Variants in WDR64 observed in about 807,000 individuals in gnomAD.
WDR64 encodes the protein WD repeat-containing protein 64.
Under a neutral mutation model 139.3 loss-of-function variants are expected in WDR64, and 112 were observed. The observed-to-expected ratio is 0.80, with a 90% CI of 0.69 to 0.94. The LOEUF (loss-of-function observed/expected upper bound fraction) is 0.94, where lower values mean the gene tolerates loss of function less well. Among genes scored for constraint, WDR64 ranks in the 40% least tolerant of loss-of-function variants. The pLI is 0.00. For synonymous variants in WDR64, 444 were observed against 437.7 expected, an observed-to-expected ratio of 1.01 and a Z score of -0.18; for missense variants, 1,206 against 1,293.1, an observed-to-expected ratio of 0.93 and a Z score of 1.03.
intron 21 of WDR64, among the ~76,000 whole-genome samples, chr1:241,779,260 T>C (rs760115110): frequency 7.2e-5 from 11 of 152,186 alleles, no homozygotes; most frequent in Admixed American, 3.3e-4. Flanking sequence ...CATTTTTTTT[T>C]CCTCCATCTG....
At chr1:241,668,832 G>A (rs918361403) in intron 2 of WDR64, among the ~76,000 whole-genome samples, 19 of 151,806 alleles carry the variant, frequency 1.3e-4, no homozygotes, top group Admixed American at 1.3e-4. Context: ...CACAGGAGGC[G>A]GAGGTTGCAG....
At chr1:241,698,932 C>T (rs1007484461) in intron 8 of WDR64, among the ~76,000 whole-genome samples, 3 of 152,278 alleles carry the variant, frequency 2.0e-5, no homozygotes, top group Admixed American at 6.5e-5. Context: ...AACATACCAT[C>T]GTGGTGGAAG....
chr1:241,727,560 A>G (rs1041798092), intron 10 of WDR64, among the ~76,000 whole-genome samples: 10 of 152,222 alleles, frequency 6.6e-5, no homozygotes, highest in African/African-American at 2.4e-4. Context: ...TTTAACAAAT[A>G]CTTATTTATT....
intron 2 of WDR64, among the ~76,000 whole-genome samples, chr1:241,670,390 T>C (rs1252169548): frequency 1.3e-5 from 2 of 152,010 alleles, no homozygotes; most frequent in Admixed American, 6.6e-5. Context: ...GGAAAATGGG[T>C]AAGACAGTCA....
chr1:241,790,123 G>A (rs1172193709), intron 24 of WDR64, among the ~76,000 whole-genome samples: 1 of 152,124 alleles, frequency 6.6e-6, no homozygotes, highest in Non-Finnish European at 1.5e-5. Flanking sequence ...GGCTGAGGCA[G>A]GCAGATCACT....
intron 8 of WDR64, among the ~76,000 whole-genome samples, chr1:241,706,247 G>A (rs1275263505): frequency 1.3e-5 from 2 of 152,242 alleles, no homozygotes; most frequent in Non-Finnish European, 2.9e-5. Context: ...GAGTGGCAAG[G>A]CTGCATTCAC....
At chr1:241,705,939 G>A (rs748075793) in intron 8 of WDR64, among the ~76,000 whole-genome samples, 3 of 152,098 alleles carry the variant, frequency 2.0e-5, no homozygotes, top group East Asian at 1.9e-4. Flanking sequence ...TGACTTTCCC[G>A]GCCCTGGGCA....
At chr1:241,736,290 T>C (rs986198987) in intron 10 of WDR64, among the ~76,000 whole-genome samples, 1 of 152,168 alleles carries the variant, frequency 6.6e-6, no homozygotes, top group Non-Finnish European at 1.5e-5. Context: ...TTTGGAGCCC[T>C]GCTGTTTCTT....
intron 8 of WDR64, among the ~76,000 whole-genome samples, chr1:241,701,296 T>A (rs879486725): frequency 1.7e-4 from 24 of 141,734 alleles, no homozygotes; most frequent in Non-Finnish European, 3.1e-4. Context: ...ACACACACAC[T>A]CACACACACA....
chr1:241,763,246 A>G (rs1658003474), intron 15 of WDR64, among the ~76,000 whole-genome samples: 1 of 152,218 alleles, frequency 6.6e-6, no homozygotes, highest in African/African-American at 2.4e-5. Flanking sequence ...AAAAAAAAAG[A>G]AAAACTATGG....
intron 10 of WDR64, among the ~76,000 whole-genome samples, chr1:241,727,322 A>C (rs1375027958): frequency 6.6e-6 from 1 of 152,226 alleles, no homozygotes; most frequent in Non-Finnish European, 1.5e-5. Flanking sequence ...TCTTTCTAGC[A>C]AAAGTTGAGA....
chr1:241,686,823 A>G (rs1007651901), intron 7 of WDR64, among the ~76,000 whole-genome samples: 3 of 152,238 alleles, frequency 2.0e-5, no homozygotes, highest in Non-Finnish European at 4.4e-5. Context: ...CAAATAAGAT[A>G]TAAAAGAATA....
intron 11 of WDR64, among the ~76,000 whole-genome samples, chr1:241,740,208 C>T (rs1474315324): frequency 6.6e-6 from 1 of 152,188 alleles, no homozygotes; most frequent in African/African-American, 2.4e-5. Flanking sequence ...AGCACTGCAT[C>T]ATTTCTATAG....
intron 4 of WDR64, 139 bp from the exon 5 acceptor site, chr1:241,678,048 G>C: frequency 2.5e-6 from 1 of 396,014 alleles, no homozygotes; most frequent in Non-Finnish European, 4.5e-6. Flanking sequence ...TTCAGAAGGA[G>C]AAACAGGGAG....
chr1:241,727,555 C>T (rs1558493700), intron 10 of WDR64, among the ~76,000 whole-genome samples: 1 of 152,134 alleles, frequency 6.6e-6, no homozygotes, highest in Non-Finnish European at 1.5e-5. Flanking sequence ...GGTTATTTAA[C>T]AAATACTTAT....
intron 8 of WDR64, among the ~76,000 whole-genome samples, chr1:241,690,468 C>CA (rs985680213): frequency 2.0e-4 from 27 of 135,434 alleles, no homozygotes; most frequent in South Asian, 7.3e-4. Context: ...GAGACTCTGT[C>CA]AAAAAAAAAA....
At chr1:241,791,100 A>T (rs184648308) in intron 25 of WDR64, among the ~76,000 whole-genome samples, 62 of 141,370 alleles carry the variant, frequency 4.4e-4, no homozygotes, top group Non-Finnish European at 8.5e-4. Flanking sequence ...CAGCCTGATC[A>T]ACATGGCGAA....
In WDR64 at chr1:241,802,100, A is replaced by G. The variant is rs1659542759; in HGVS notation, c.*885A>G. 2 of 398,026 alleles carry G rather than the reference A, an allele frequency of 5.0e-6. No individual in the cohort carries two copies. The highest frequency in any genetic ancestry group is 8.9e-6 in the Non-Finnish European group (2 of 225,778). The allele number at this position is 398,026 out of a possible 1,614,324, so 24.7% of individuals were successfully genotyped here. A position where few individuals can be genotyped will look rare whatever the true frequency, so the allele number is the denominator to read the frequency against. ...TAAGAAAATAAACAAGAATCTTTATAAAAGTTTTATAAAGTTATTAATAAT... is the reference window on the plus strand; with the variant it reads ...TAAGAAAATAAACAAGAATCTTTATGAAAGTTTTATAAAGTTATTAATAAT... On this transcript the variant is annotated 3_prime_UTR_variant, in exon 28 of 28. Coordinates refer to ENST00000437684, the MANE Select transcript of WDR64 (RefSeq NM_001367482.1).
intron 27 of WDR64, 122 bp downstream of exon 27, chr1:241,796,492 C>CTTTT: frequency 4.0e-6 from 2 of 502,130 alleles, no homozygotes; most frequent in South Asian, 3.2e-5. Flanking sequence ...TCAGTTCATA[C>CTTTT]TTTTTTTTTT....
Sources: allele counts gnomAD v4.1 joint callset (sites outside exome capture counted in the v4.1 genomes callset), GRCh38; gene constraint gnomAD v4.1.1; transcripts MANE v1.5; gene names NCBI Gene and HGNC (gene_info 2026-07-23, HGNC 2026-07-21).